TM4SF18: variants seen among roughly 807,000 people sequenced by gnomAD.
TM4SF18 encodes transmembrane 4 L six family member 18, also known as transmembrane 4 L6 family member 18.
A neutral mutation model predicts 23.8 loss-of-function variants in TM4SF18; 22 were observed. That is an observed-to-expected ratio of 0.92 (90% CI 0.66 to 1.32). The LOEUF (loss-of-function observed/expected upper bound fraction) is 1.32. Among genes scored for constraint, TM4SF18 ranks in the 40% most tolerant of loss-of-function variants. The pLI, the probability that TM4SF18 is intolerant of heterozygous loss-of-function variation, is 0.00. For missense variants in TM4SF18, 255 were observed against 240.3 expected (o/e 1.06, Z -0.41); for synonymous variants, 87 against 87.9 (o/e 0.99, Z 0.06).
At chr3:149,325,221 T>C (rs1365028707) in intron 3 of TM4SF18, among the ~76,000 whole-genome samples, 199 bp from the exon 4 acceptor site, 1 of 152,212 alleles carries the variant, frequency 6.6e-6, no homozygotes, top group Non-Finnish European at 1.5e-5. Context: ...AACGTTTAGT[T>C]TGGCATCACA....
intron 3 of TM4SF18, among the ~76,000 whole-genome samples, chr3:149,326,062 T>C (rs1340826245): frequency 1.3e-5 from 2 of 152,288 alleles, no homozygotes; most frequent in African/African-American, 4.8e-5. Flanking sequence ...GTTGCAGACA[T>C]TATGATATTT....
intron 2 of TM4SF18, among the ~76,000 whole-genome samples, chr3:149,332,323 T>G (rs1731103811): frequency 6.6e-6 from 1 of 152,168 alleles, no homozygotes; most frequent in Non-Finnish European, 1.5e-5. Flanking sequence ...TTATAATGAA[T>G]TTTCTTCTAC....
intron 2 of TM4SF18, among the ~76,000 whole-genome samples, chr3:149,331,800 G>A (rs1213360985): frequency 6.6e-6 from 1 of 152,142 alleles, no homozygotes; most frequent in Admixed American, 6.6e-5. Context: ...AGCTGCAATA[G>A]TAATTTACCC....
intron 2 of TM4SF18, among the ~76,000 whole-genome samples, chr3:149,332,938 T>TA (rs1731117221): frequency 6.6e-6 from 1 of 152,170 alleles, no homozygotes; most frequent in South Asian, 2.1e-4. Context: ...CATGAGAACA[T>TA]ACTGTTTTTA....
intron 3 of TM4SF18, among the ~76,000 whole-genome samples, chr3:149,328,168 G>A (rs944120747): frequency 6.6e-6 from 1 of 152,162 alleles, no homozygotes; most frequent in East Asian, 1.9e-4. Context: ...CTTAGACTGA[G>A]TAATTAATAA....
At chr3:149,323,630 AT>A (rs1357209225) in intron 4 of TM4SF18, among the ~76,000 whole-genome samples, 1 of 152,226 alleles carries the variant, frequency 6.6e-6, no homozygotes, top group Non-Finnish European at 1.5e-5. Flanking sequence ...TAATCCTGTT[AT>A]CTTCATAAGT....
chr3:149,322,472 T>A (rs1209408409), intron 4 of TM4SF18, 36 bp from the exon 5 acceptor site: 1 of 1,568,046 alleles, frequency 6.4e-7, no homozygotes, highest in Non-Finnish European at 8.7e-7. Context: ...ACATACTGGG[T>A]CCAAGGAAGA....
chr3:149,331,971 T>C (rs938184297), intron 2 of TM4SF18, among the ~76,000 whole-genome samples: 6 of 152,202 alleles, frequency 3.9e-5, no homozygotes, highest in South Asian at 2.1e-4. Context: ...TTTACTATTA[T>C]ACCAATGCAG....
intron 3 of TM4SF18, among the ~76,000 whole-genome samples, chr3:149,326,861 T>G (rs1215281993): frequency 6.6e-6 from 1 of 152,194 alleles, no homozygotes; most frequent in African/African-American, 2.4e-5. Flanking sequence ...CTTTGAACAT[T>G]TTCTTGCTTT....
rs749247766 is a variant in TM4SF18, at chr3:149,333,418, G to A, written c.-17-19C>T. 11 of 1,449,898 alleles carry A rather than the reference G, an allele frequency of 7.6e-6. No individual in the cohort carries two copies. Among genetic ancestry groups the A allele is most frequent in the African/African-American group, 2.9e-5 (2 of 69,240 alleles). The allele number at this position is 1,449,898 out of a possible 1,614,324, so 89.8% of individuals were successfully genotyped here. A position where few individuals can be genotyped will look rare whatever the true frequency, so the allele number is the denominator to read the frequency against. ...TTAGAACCTGCGGGAGATTTCAAGA[G>A]TATACAGTCACAGAAAGTCTATTTT... On this transcript the variant is annotated intron_variant, in intron 1 of 5. Coordinates refer to ENST00000296059, the MANE Select transcript of TM4SF18 (RefSeq NM_138786.4).
intron 2 of TM4SF18, among the ~76,000 whole-genome samples, chr3:149,332,068 C>T (rs183685639): frequency 5.3e-5 from 8 of 152,168 alleles, no homozygotes; most frequent in Non-Finnish European, 1.0e-4. Flanking sequence ...CTGAGTCAAA[C>T]GACATAAGCA....
At chr3:149,323,240 C>T (rs754013465) in intron 4 of TM4SF18, among the ~76,000 whole-genome samples, 7 of 152,042 alleles carry the variant, frequency 4.6e-5, no homozygotes, top group Non-Finnish European at 1.0e-4. Context: ...ATATCTAACC[C>T]CAGAGTTATT....
Position 149,333,243 on chromosome 3 carries a change from A to G in TM4SF18, c.140T>C (p.Val47Ala). 2 of 1,613,046 alleles carry G rather than the reference A, an allele frequency of 1.2e-6. No homozygotes were observed. Among genetic ancestry groups the G allele is most frequent in the South Asian group, 1.1e-5 (1 of 90,786 alleles). The change falls in exon 2 of 6, where the codon GTG becomes GCG. Residue 47 changes from valine (V) to alanine (A), a missense_variant. By Grantham distance (64) the Val-to-Ala change is moderately conservative. Transcript: ENST00000296059. ...YASSNKLTNY[V>A]WYFEGICFSG... is the part of the protein sequence containing the mutation. ...GAAACAGATTCCTTCAAAATACCAC[A>G]CGTAGTTGGTGAGTTTATTGCTGGA...
intron 3 of TM4SF18, among the ~76,000 whole-genome samples, chr3:149,327,982 T>C (rs1730993337): frequency 6.6e-6 from 1 of 152,116 alleles, no homozygotes; most frequent in African/African-American, 2.4e-5. Flanking sequence ...GAATGGTACC[T>C]ATGTGACAGG....
Position 149,319,111 on chromosome 3 carries a change from A to C in TM4SF18, c.*2367T>G, listed in dbSNP as rs554726730. The C allele has an allele frequency of 1.3e-5, 2 of 152,322 alleles. No individual in the cohort carries two copies. The highest frequency in any genetic ancestry group is 3.9e-4 in the East Asian group (2 of 5,192). The allele number at this position is 152,322 out of a possible 1,614,324, so 9.4% of individuals were successfully genotyped here. A position where few individuals can be genotyped will look rare whatever the true frequency, so the allele number is the denominator to read the frequency against. On this transcript the variant is annotated 3_prime_UTR_variant, in exon 6 of 6. Transcript: ENST00000296059. ...ATGTGTCCAATGCTGTGGTGGAGTC[A>C]TTCAGCAAACATCTATTAACAGTCC...
Position 149,333,396 on chromosome 3 carries a change from G to C in TM4SF18, c.-14C>G. The C allele has an allele frequency of 6.3e-7, 1 of 1,592,456 alleles. No homozygotes were observed. On this transcript the variant is annotated 5_prime_UTR_variant, in exon 2 of 6. Coordinates refer to ENST00000296059, the MANE Select transcript of TM4SF18 (RefSeq NM_138786.4). ...CCGAGACCCCATTTTGCCCTGCTTAGAACCTGCGGGAGATTTCAAGAGTAT... is the reference window on the plus strand; with the variant it reads ...CCGAGACCCCATTTTGCCCTGCTTACAACCTGCGGGAGATTTCAAGAGTAT...
intron 3 of TM4SF18, 43 bp from the exon 4 acceptor site, chr3:149,325,065 C>T (rs1730909167): frequency 1.3e-6 from 2 of 1,591,042 alleles, no homozygotes. Context: ...TAGAATGCGA[C>T]AAGGGGATAT....
At chr3:149,325,503 G>A (rs1478625457) in intron 3 of TM4SF18, among the ~76,000 whole-genome samples, 1 of 152,192 alleles carries the variant, frequency 6.6e-6, no homozygotes, top group Non-Finnish European at 1.5e-5. Context: ...TCATATTCAA[G>A]TGACGATAGG....
chr3:149,331,690 G>C (rs1233476439), intron 2 of TM4SF18, among the ~76,000 whole-genome samples: 1 of 152,170 alleles, frequency 6.6e-6, no homozygotes, highest in Non-Finnish European at 1.5e-5. Context: ...CAATACAGAG[G>C]AGTCAAGAAT....
Sources: gnomAD v4.1 joint callset for allele counts (sites outside exome capture counted in the v4.1 genomes callset) on GRCh38, gnomAD v4.1.1 for gene constraint, MANE v1.5 for transcripts, NCBI Gene and HGNC (gene_info 2026-07-23, HGNC 2026-07-21) for gene names.